The following RGS7 variants were observed in gnomAD, a reference collection of about 807,000 sequenced individuals.
The protein encoded by RGS7 is regulator of G protein signaling 7, also known as regulator of G-protein signaling 7.
RGS7 carries 27 observed loss-of-function variants against 81.1 expected under a neutral mutation model. That is an observed-to-expected ratio of 0.33 (90% CI 0.25 to 0.46). The LOEUF (loss-of-function observed/expected upper bound fraction) is 0.46, where lower values mean the gene tolerates loss of function less well. Among genes scored for constraint, RGS7 ranks in the 20% least tolerant of loss-of-function variants. RGS7 has a pLI of 1.00. For missense variants in RGS7, 396 were observed against 607.4 expected (o/e 0.65, Z 3.66); for synonymous variants, 208 against 207.7 (o/e 1.00, Z -0.01).
chr1:240,787,901 C>G (rs1378649703), intron 18 of RGS7, among the ~76,000 whole-genome samples: 1 of 152,134 alleles, frequency 6.6e-6, no homozygotes, highest in Non-Finnish European at 1.5e-5. Context: ...ACATGTTGCT[C>G]TGGTTGGGGG....
chr1:240,847,504 G>A (rs1359536379), intron 9 of RGS7, among the ~76,000 whole-genome samples: 1 of 152,206 alleles, frequency 6.6e-6, no homozygotes, highest in Non-Finnish European at 1.5e-5. Flanking sequence ...CTTTGTATCT[G>A]AGGCAGGGAA....
chr1:241,027,262 A>G (rs111322818), intron 3 of RGS7, among the ~76,000 whole-genome samples: 3,894 of 151,960 alleles, frequency 0.026, 186 homozygotes, highest in African/African-American at 0.088. Context: ...GTGTGGTGGC[A>G]GGGAGTGGGG....
At position 241,252,590 on chromosome 1, in the gene RGS7, T is replaced by C. The variant is rs114174391; in HGVS notation, c.78+103109A>G. ...AGTAACCTGTAGAGAAATTCTATGA[T>C]GTGATGCCCTTTTTCCTGGAGGACC... is the stretch of plus-strand genomic sequence containing the variant. On this transcript the variant is annotated intron_variant, in intron 2 of 18. Transcript: ENST00000440928. Among the ~76,000 whole-genome samples the C allele has an allele frequency of 3.7e-3, 568 of 152,312 alleles. 2 individuals carry two copies. Among genetic ancestry groups the C allele is most frequent in the African/African-American group, 0.013 (527 of 41,574 alleles).
chr1:240,818,531 A>T (rs901335293), intron 10 of RGS7, among the ~76,000 whole-genome samples: 4 of 152,224 alleles, frequency 2.6e-5, no homozygotes, highest in Admixed American at 6.5e-5. Context: ...TAAATAAAAC[A>T]ACCTTCTGAA....
At chr1:240,963,699 A>T (rs951460650) in intron 4 of RGS7, among the ~76,000 whole-genome samples, 1 of 152,234 alleles carries the variant, frequency 6.6e-6, no homozygotes, top group Admixed American at 6.5e-5. Context: ...AGGAATTAAG[A>T]GACAGTAAAT....
chr1:241,126,280 G>T (rs1233781867), intron 2 of RGS7, among the ~76,000 whole-genome samples: 1 of 152,064 alleles, frequency 6.6e-6, no homozygotes, highest in Non-Finnish European at 1.5e-5. Flanking sequence ...CTCCTGAGTA[G>T]CTGGGATTAC....
chr1:241,310,573 A>T (rs2080470901), intron 2 of RGS7, among the ~76,000 whole-genome samples: 1 of 151,218 alleles, frequency 6.6e-6, no homozygotes, highest in African/African-American at 2.4e-5. Flanking sequence ...TTTTTTAAAC[A>T]ATGTACTGCC....
At chr1:241,219,449 T>C (rs1190736320) in intron 2 of RGS7, among the ~76,000 whole-genome samples, 1 of 152,158 alleles carries the variant, frequency 6.6e-6, no homozygotes, top group Non-Finnish European at 1.5e-5. Flanking sequence ...CTTTTGTAAA[T>C]TGCCCAGCCT....
chr1:240,933,125 G>A (rs1050484516), intron 5 of RGS7, among the ~76,000 whole-genome samples: 18 of 150,818 alleles, frequency 1.2e-4, no homozygotes, highest in Middle Eastern at 3.4e-3. Context: ...CTCGTGATCT[G>A]CCCCCCTCGG....
chr1:240,807,044 T>C (rs1241140246), intron 14 of RGS7, among the ~76,000 whole-genome samples: 1 of 152,236 alleles, frequency 6.6e-6, no homozygotes, highest in Non-Finnish European at 1.5e-5. Context: ...AGAGGCATCA[T>C]TGCAATTCAG....
intron 3 of RGS7, among the ~76,000 whole-genome samples, chr1:241,078,969 T>C (rs577448240): frequency 6.6e-6 from 1 of 152,310 alleles, no homozygotes; most frequent in African/African-American, 2.4e-5. Flanking sequence ...TGAATGAGAA[T>C]ATCCAATCTT....
intron 4 of RGS7, among the ~76,000 whole-genome samples, chr1:240,944,248 C>T (rs1678102411): frequency 7.8e-6 from 1 of 128,400 alleles, no homozygotes; most frequent in South Asian, 2.5e-4. Context: ...TAACAAGATT[C>T]TGTTATATTA....
At chr1:240,857,206 C>T (rs1028768911) in intron 9 of RGS7, among the ~76,000 whole-genome samples, 1 of 151,832 alleles carries the variant, frequency 6.6e-6, no homozygotes, top group East Asian at 1.9e-4. Flanking sequence ...AGTTATATCT[C>T]TATTTTTTTT....
intron 2 of RGS7, among the ~76,000 whole-genome samples, chr1:241,141,187 A>G (rs969776277): frequency 1.3e-5 from 2 of 152,120 alleles, no homozygotes; most frequent in African/African-American, 4.8e-5. Flanking sequence ...TAAATTCTCT[A>G]CTGATTGGGA....
Position 241,128,795 on chromosome 1 carries a change from A to C in RGS7, c.79-30033T>G, listed in dbSNP as rs915857857. On this transcript the variant is annotated intron_variant, in intron 2 of 18. Coordinates refer to ENST00000440928, the MANE Select transcript of RGS7 (RefSeq NM_001364886.1). ...TAATAGGCAAAAAAAAAAAAAAAAA[A>C]AAAACTCTTCAGAGGAATAAGTAGG... 1.2e-4 allele frequency among the ~76,000 whole-genome samples: 18 copies of C among 150,700 alleles called. No individual in the cohort carries two copies. In the East Asian group the frequency reaches 1.9e-3, roughly 16 times the overall value.
At chr1:241,037,135 G>A (rs149087965) in intron 3 of RGS7, among the ~76,000 whole-genome samples, 19 of 152,300 alleles carry the variant, frequency 1.2e-4, no homozygotes, top group African/African-American at 3.8e-4. Context: ...TCTTGAAGTG[G>A]AATGTTGCTC....
At chr1:240,887,507 CG>C (rs1177724299) in intron 6 of RGS7, among the ~76,000 whole-genome samples, 1 of 152,058 alleles carries the variant, frequency 6.6e-6, no homozygotes, top group Non-Finnish European at 1.5e-5. Flanking sequence ...GGATTACAGG[CG>C]TGAGAGTATA....
intron 2 of RGS7, among the ~76,000 whole-genome samples, chr1:241,104,257 T>C (rs2064962202): frequency 6.6e-6 from 1 of 152,212 alleles, no homozygotes; most frequent in Admixed American, 6.5e-5. Context: ...CTTTTTCTTT[T>C]ATAATTCAGC....
intron 2 of RGS7, among the ~76,000 whole-genome samples, chr1:241,190,552 CTAAA>C (rs1217982186): frequency 3.3e-5 from 5 of 152,000 alleles, no homozygotes; most frequent in Non-Finnish European, 5.9e-5. Context: ...AGATTTACAC[CTAAA>C]TATTTACTTT....
Sources: allele counts gnomAD v4.1 joint callset (sites outside exome capture counted in the v4.1 genomes callset), GRCh38; gene constraint gnomAD v4.1.1; transcripts MANE v1.5; gene names NCBI Gene and HGNC (gene_info 2026-07-23, HGNC 2026-07-21).